The following ZNF106 variants were observed in gnomAD, a reference collection of about 807,000 sequenced individuals.
The protein encoded by ZNF106 is zinc finger protein 106.
ZNF106 carries 67 observed loss-of-function variants against 195.1 expected under a neutral mutation model. That is an observed-to-expected ratio of 0.34 (90% CI 0.28 to 0.42). The LOEUF is 0.42. Ranked by LOEUF, ZNF106 falls within the 10% of genes least tolerant of loss-of-function variation. ZNF106 has a pLI of 1.00. For synonymous variants in ZNF106, 784 were observed against 818.6 expected (o/e 0.96, Z 0.72); for missense variants, 2,118 against 2,304.5 (o/e 0.92, Z 1.66).
At chr15:42,427,946 ACTT>A in intron 15 of ZNF106, 69 bp downstream of exon 15, 12 of 1,284,652 alleles carry the variant, frequency 9.3e-6, no homozygotes, top group Non-Finnish European at 1.3e-5. Context: ...CCTGCCTGCT[ACTT>A]CTTCCCACAC....
intron 1 of ZNF106, among the ~76,000 whole-genome samples, chr15:42,480,415 C>T (rs1250268721): frequency 1.3e-5 from 2 of 152,064 alleles, no homozygotes; most frequent in African/African-American, 2.4e-5. Context: ...CATGCATTTG[C>T]TTTTAGCCAT....
Position 42,418,382 on chromosome 15 carries a change from G to A in ZNF106, c.5518-431C>T, listed in dbSNP as rs189385428. On this transcript the variant is annotated intron_variant, in intron 20 of 21. Coordinates refer to ENST00000564754, the MANE Select transcript of ZNF106 (RefSeq NM_001366845.3). ...CTTTTTTTTTTTTTTTTTTGAGATG[G>A]AGTTTCACTCCTGTTGCCCAGGCTG... 8.2e-3 allele frequency among the ~76,000 whole-genome samples: 1,146 copies of A among 140,492 alleles called. 17 individuals carry two copies. Among genetic ancestry groups the A allele is most frequent in the African/African-American group, 0.032 (1,106 of 35,002 alleles). The allele number at this position is 140,492 out of a possible 152,430, so 92.2% of individuals were successfully genotyped here.
rs200457966 is a variant in ZNF106 at position 42,468,068 on chromosome 15, C to CTTTTTTTTTTTTTT, written c.55-1968_55-1955dup. 2.9e-5 allele frequency among the ~76,000 whole-genome samples: 3 copies of CTTTTTTTTTTTTTT among 102,110 alleles called. 1 individual carries two copies. Among genetic ancestry groups the CTTTTTTTTTTTTTT allele is most frequent in the Non-Finnish European group, 1.9e-5 (1 of 53,884 alleles). 67.0% of individuals were successfully genotyped at this position (102,110 alleles called of 152,430 possible). A position where few individuals can be genotyped will look rare whatever the true frequency, so the allele number is the denominator to read the frequency against. ...TAAACAGGGTTGTGATTCAAAACGCCTTTTTTTTTTTTTTTTTTTTTTTTT... is the reference window on the plus strand; with the variant it reads ...TAAACAGGGTTGTGATTCAAAACGCCTTTTTTTTTTTTTTTTTTTTTTTTTTTTTTTTTTTTTTT... On this transcript the variant is annotated intron_variant, in intron 2 of 21. Coordinates refer to ENST00000564754, the MANE Select transcript of ZNF106 (RefSeq NM_001366845.3).
rs116762240 is a variant in ZNF106, at chr15:42,463,677, G to A, written c.116+2376C>T. On this transcript the variant is annotated intron_variant, in intron 3 of 21. Coordinates refer to ENST00000564754, the MANE Select transcript of ZNF106 (RefSeq NM_001366845.3). ...CAAAAGGGTGTGGTGGCACACGCCT[G>A]TAGTCCCAGCTACACAGTAAGCTGA... Among the ~76,000 whole-genome samples, 343 of 152,344 alleles carry A rather than the reference G, an allele frequency of 2.3e-3. 1 individual carries two copies. The highest frequency in any genetic ancestry group is 7.9e-3 in the African/African-American group (328 of 41,580).
In ZNF106 at chr15:42,417,287, G is replaced by A. The variant is rs116220592; in HGVS notation, c.*17C>T. On this transcript the variant is annotated 3_prime_UTR_variant, in exon 22 of 22. Coordinates refer to ENST00000564754, the MANE Select transcript of ZNF106 (RefSeq NM_001366845.3). ...ATAGTTCAACTAATGACTTCCCAAC[G>A]TGGGAGGCAAAAAACTTCATGAATC... 2,808 of 1,613,880 alleles carry A rather than the reference G, an allele frequency of 1.7e-3. 47 individuals carry two copies. In the African/African-American group the frequency reaches 0.034, roughly 19 times the overall value.
intron 10 of ZNF106, among the ~76,000 whole-genome samples, chr15:42,441,544 C>T (rs1161323052): frequency 6.6e-6 from 1 of 152,106 alleles, no homozygotes; most frequent in Non-Finnish European, 1.5e-5. Flanking sequence ...ATAGCTTAGA[C>T]GTATTCTCAA....
At position 42,450,687 on chromosome 15, in the gene ZNF106, G is replaced by A; in HGVS notation, c.1585C>T (p.Leu529=). 6.2e-7 allele frequency: 1 copy of A among 1,614,176 alleles called. No individual in the cohort carries two copies. Among genetic ancestry groups the A allele is most frequent in the Non-Finnish European group, 8.5e-7 (1 of 1,180,022 alleles). The change falls in exon 5 of 22, where the codon CTG becomes TTG. Residue 529 remains leucine (L), a synonymous_variant. Transcript: ENST00000564754. Reference sequence around the variant, plus strand: ...AAAACATGAGGACATGAACTACGCAGTTTGGATATGTAAGGACCATGGTTA... The same window carrying A: ...AAAACATGAGGACATGAACTACGCAATTTGGATATGTAAGGACCATGGTTA... ...EDNHGPYISK[L]RSSCPHVLKG...
chr15:42,420,994 T>A (rs2054632680), intron 20 of ZNF106, 67 bp downstream of exon 20: 2 of 1,329,110 alleles, frequency 1.5e-6, no homozygotes, highest in Admixed American at 1.7e-5. Flanking sequence ...ATAATGAAGA[T>A]CTATCAATTA....
intron 20 of ZNF106, among the ~76,000 whole-genome samples, chr15:42,418,336 T>A (rs1030195137): frequency 6.6e-6 from 1 of 151,826 alleles, no homozygotes; most frequent in African/African-American, 2.4e-5. Flanking sequence ...GGCAAATACC[T>A]TTCCTATAAT....
At position 42,417,940 on chromosome 15, in the gene ZNF106, G is replaced by C; in HGVS notation, c.5529C>G (p.Cys1843Trp). ...GATCTACAACGCCAAATATCAGAGA[G>C]CAACCATGCCACTGGAGAGAAAGAA... ...MQNYRCWWHGCSLIFGVVDHL... is the reference protein window; with the variant it reads ...MQNYRCWWHGWSLIFGVVDHL... Residue 1843 changes from cysteine to tryptophan, a missense_variant, in exon 21 of 22, where the codon TGC becomes TGG. Physicochemically the swap from Cys to Trp is radical, Grantham distance 215. Coordinates refer to ENST00000564754, the MANE Select transcript of ZNF106 (RefSeq NM_001366845.3). 6.2e-7 allele frequency: 1 copy of C among 1,613,296 alleles called. No homozygotes were observed. The highest frequency in any genetic ancestry group is 2.2e-5 in the East Asian group (1 of 44,800).
At chr15:42,480,282 G>A (rs1426881535) in intron 1 of ZNF106, among the ~76,000 whole-genome samples, 1 of 152,088 alleles carries the variant, frequency 6.6e-6, no homozygotes, top group Non-Finnish European at 1.5e-5. Context: ...CTCATGAACT[G>A]ACCTTTTATT....
intron 7 of ZNF106, among the ~76,000 whole-genome samples, 172 bp downstream of exon 7, chr15:42,446,417 C>CA (rs1016126469): frequency 1.1e-4 from 16 of 151,886 alleles, no homozygotes; most frequent in African/African-American, 3.4e-4. Context: ...CCTGTCTCTA[C>CA]AAAAAAATAA....
intron 1 of ZNF106, among the ~76,000 whole-genome samples, chr15:42,479,826 G>A (rs1481163040): frequency 6.6e-6 from 1 of 151,874 alleles, no homozygotes; most frequent in Admixed American, 6.6e-5. Flanking sequence ...TCAGCAAAAG[G>A]GCAAAACTCC....
At chr15:42,477,665 G>A (rs980815011) in intron 1 of ZNF106, among the ~76,000 whole-genome samples, 12 of 152,236 alleles carry the variant, frequency 7.9e-5, no homozygotes, top group African/African-American at 2.9e-4. Flanking sequence ...GAGGCAGGTG[G>A]ATCACCTGAG....
intron 14 of ZNF106, among the ~76,000 whole-genome samples, chr15:42,431,551 G>A (rs2141288751): frequency 6.6e-6 from 1 of 151,676 alleles, no homozygotes; most frequent in South Asian, 2.1e-4. Flanking sequence ...GTACCACCAG[G>A]CCCAGCTAAT....
chr15:42,484,571 C>T (rs964714875), intron 1 of ZNF106, among the ~76,000 whole-genome samples: 1 of 151,934 alleles, frequency 6.6e-6, no homozygotes, highest in Non-Finnish European at 1.5e-5. Flanking sequence ...GAAATACCAT[C>T]TCTACTAAAC....
chr15:42,433,485 TC>T (rs201397736), intron 14 of ZNF106, among the ~76,000 whole-genome samples: 41,837 of 143,610 alleles, frequency 0.29, 7,040 homozygotes, highest in African/African-American at 0.47. Context: ...CTTTTTTTTT[TC>T]TTTTCTTTTT....
At chr15:42,418,466 A>G (rs2054534554) in intron 20 of ZNF106, among the ~76,000 whole-genome samples, 1 of 150,432 alleles carries the variant, frequency 6.6e-6, no homozygotes, top group Non-Finnish European at 1.5e-5. Flanking sequence ...CCTGGGTTCA[A>G]GCAGTTCTGC....
At chr15:42,453,787 G>T (rs2056129650) in intron 4 of ZNF106, among the ~76,000 whole-genome samples, 1 of 152,030 alleles carries the variant, frequency 6.6e-6, no homozygotes, top group African/African-American at 2.4e-5. Flanking sequence ...GTAGAGACGG[G>T]GTTCCACCAT....
Sources: allele counts gnomAD v4.1 joint callset (sites outside exome capture counted in the v4.1 genomes callset), GRCh38; gene constraint gnomAD v4.1.1; transcripts MANE v1.5; gene names NCBI Gene and HGNC (gene_info 2026-07-23, HGNC 2026-07-21).